Variants in CDK13 observed in about 807,000 individuals in gnomAD.
CDK13 encodes the protein cyclin-dependent kinase 13.
A neutral mutation model predicts 137.6 loss-of-function variants in CDK13; 40 were observed. That is an observed-to-expected ratio of 0.29 (90% confidence interval 0.23 to 0.38). CDK13 has a LOEUF of 0.38. Ranked by LOEUF, CDK13 falls within the 10% of genes least tolerant of loss-of-function variation. The pLI is 1.00. For missense variants in CDK13, 1,704 were observed against 1,951.8 expected, an observed-to-expected ratio of 0.87 and a Z score of 2.39; for synonymous variants, 869 against 760.1, an observed-to-expected ratio of 1.14 and a Z score of -2.36.
intron 3 of CDK13, chr7:39,998,407 A>G (rs926730873): frequency 2.2e-5 from 3 of 138,850 alleles, no homozygotes; most frequent in African/African-American, 8.1e-5. Context: ...GGAGTTTGAT[A>G]CCAGCCTGAG....
intron 4 of CDK13, 92 bp from the exon 5 acceptor site, chr7:40,001,769 G>T (rs571947675): frequency 1.2e-6 from 1 of 828,202 alleles, no homozygotes; most frequent in East Asian, 2.5e-5. Context: ...TGAGAAATAA[G>T]AACAGAATTG....
In CDK13 at chr7:39,987,918, CATGTGAAGG is replaced by C. The variant is rs761846129; in HGVS notation, c.1540_1548del (p.Asp514_Lys516del). Reference sequence around the variant, plus strand: ...TAGTGCCAGTGCATCACAAACAAACCATGTGAAGGATGTGAAGAAAATTAAAATTGAACA... The same window carrying C: ...TAGTGCCAGTGCATCACAAACAAACCATGTGAAGAAAATTAAAATTGAACA... On this transcript the variant is annotated inframe_deletion, in exon 2 of 14. Transcript: ENST00000181839. 10 of 1,614,116 alleles carry C rather than the reference CATGTGAAGG, an allele frequency of 6.2e-6. No homozygotes were observed. In the Admixed American group the frequency reaches 1.7e-4, roughly 27 times the overall value.
intron 5 of CDK13, among the ~76,000 whole-genome samples, chr7:40,027,170 C>A (rs905476400): frequency 2.6e-4 from 39 of 152,104 alleles, no homozygotes; most frequent in African/African-American, 9.2e-4. Flanking sequence ...ATGGTGAAAC[C>A]CCGTCTCTAC....
chr7:40,033,097 A>G (rs1328640964), intron 5 of CDK13, among the ~76,000 whole-genome samples: 3 of 152,114 alleles, frequency 2.0e-5, no homozygotes. Context: ...TTGGGATTAT[A>G]TGTGTGAGCC....
intron 5 of CDK13, among the ~76,000 whole-genome samples, chr7:40,002,455 C>G (rs563129012): frequency 6.6e-6 from 1 of 152,076 alleles, no homozygotes; most frequent in African/African-American, 2.4e-5. Flanking sequence ...CTTGAAATTG[C>G]CTTTAATAAT....
At chr7:40,077,140 A>G (rs1255970253) in intron 9 of CDK13, among the ~76,000 whole-genome samples, 2 of 152,216 alleles carry the variant, frequency 1.3e-5, no homozygotes, top group African/African-American at 4.8e-5. Flanking sequence ...AAATTTCTTT[A>G]TGACTTAAGA....
At chr7:39,988,492 A>G (rs904110067) in intron 2 of CDK13, among the ~76,000 whole-genome samples, 8 of 152,124 alleles carry the variant, frequency 5.3e-5, no homozygotes, top group African/African-American at 1.4e-4. Flanking sequence ...TTGGGATACA[A>G]TGAATATTTC....
chr7:39,997,425 A>G (rs930236637), intron 2 of CDK13, 69 bp from the exon 3 acceptor site: 2 of 1,135,942 alleles, frequency 1.8e-6, no homozygotes, highest in East Asian at 2.3e-5. Context: ...ACTTAAATGT[A>G]AGTCATAAGC....
At chr7:39,981,983 ATTTTTTCTTTTTTCTTCT>A (rs1368656862) in intron 1 of CDK13, among the ~76,000 whole-genome samples, 2 of 146,454 alleles carry the variant, frequency 1.4e-5, no homozygotes, top group African/African-American at 2.5e-5. Context: ...ACTATTGTGT[ATTTTTTCTTTTTTCTTCT>A]TTTTTTCTTT....
chr7:40,055,719 C>T (rs1433699897), intron 7 of CDK13, among the ~76,000 whole-genome samples: 1 of 151,934 alleles, frequency 6.6e-6, no homozygotes, highest in Non-Finnish European at 1.5e-5. Flanking sequence ...GCTGGGATTA[C>T]AGGCATGCAC....
At chr7:40,037,374 A>AT (rs1231440357) in intron 5 of CDK13, among the ~76,000 whole-genome samples, 3 of 152,150 alleles carry the variant, frequency 2.0e-5, no homozygotes, top group Admixed American at 6.5e-5. Flanking sequence ...CTCCCCTCAC[A>AT]TGGCTAGCAA....
intron 1 of CDK13, among the ~76,000 whole-genome samples, chr7:39,962,941 C>T (rs946824210): frequency 1.7e-4 from 26 of 152,190 alleles, no homozygotes; most frequent in Non-Finnish European, 3.2e-4. Flanking sequence ...TGTAGATATG[C>T]GGCATTACTT....
chr7:40,089,461 C>G (rs1452167221), intron 12 of CDK13, among the ~76,000 whole-genome samples: 1 of 149,798 alleles, frequency 6.7e-6, no homozygotes, highest in Non-Finnish European at 1.5e-5. Context: ...AAAAGGATAT[C>G]TTATATCTAG....
At chr7:40,066,221 C>T (rs1202553877) in intron 9 of CDK13, among the ~76,000 whole-genome samples, 2 of 152,090 alleles carry the variant, frequency 1.3e-5, no homozygotes, top group East Asian at 1.9e-4. Flanking sequence ...AAAAAACCAG[C>T]CCCATTATTT....
chr7:39,965,973 C>T (rs1401021941), intron 1 of CDK13, among the ~76,000 whole-genome samples: 3 of 152,198 alleles, frequency 2.0e-5, no homozygotes, highest in African/African-American at 7.2e-5. Flanking sequence ...TGTAGAGTAT[C>T]TGCTGAGAGA....
intron 1 of CDK13, among the ~76,000 whole-genome samples, chr7:39,957,708 G>C (rs1787461916): frequency 6.6e-6 from 1 of 152,092 alleles, no homozygotes; most frequent in Non-Finnish European, 1.5e-5. Context: ...GTTTATATTT[G>C]CCCTCTGTTG....
rs865816931 is a variant in CDK13 at position 40,031,834 on chromosome 7, A to G, written c.2354-14002A>G. Among the ~76,000 whole-genome samples the G allele has an allele frequency of 7.7e-5, 9 of 116,374 alleles. No individual in the cohort carries two copies. The South Asian group carries it at 1.2e-3, about 15-fold the overall frequency. The allele number at this position is 116,374 out of a possible 152,430, so 76.3% of individuals were successfully genotyped here. A position where few individuals can be genotyped will look rare whatever the true frequency, so the allele number is the denominator to read the frequency against. On this transcript the variant is annotated intron_variant, in intron 5 of 13. Transcript: ENST00000181839. ...CTAATTTATTATTATTATTGTTATT[A>G]TTATTATTATTATTATTATTATTAT...
chr7:40,074,537 A>G (rs1181089926), intron 9 of CDK13, among the ~76,000 whole-genome samples: 5 of 151,262 alleles, frequency 3.3e-5, no homozygotes, highest in Non-Finnish European at 7.4e-5. Flanking sequence ...AAAAAAAAAA[A>G]AAAGAAAGTA....
chr7:39,969,560 C>T (rs1458691804), intron 1 of CDK13, among the ~76,000 whole-genome samples: 2 of 152,132 alleles, frequency 1.3e-5, no homozygotes, highest in Admixed American at 1.3e-4. Flanking sequence ...GTATGGGAAG[C>T]GAATGCTTGA....
Sources: gnomAD v4.1 joint callset for allele counts (sites outside exome capture counted in the v4.1 genomes callset) on GRCh38, gnomAD v4.1.1 for gene constraint, MANE v1.5 for transcripts, NCBI Gene and HGNC (gene_info 2026-07-23, HGNC 2026-07-21) for gene names.